Variants in IFTAP observed in about 807,000 individuals in gnomAD.
IFTAP encodes the protein intraflagellar transport-associated protein.
IFTAP carries 19 observed loss-of-function variants against 19.4 expected under a neutral mutation model. The observed-to-expected ratio is 0.98, with a 90% CI of 0.68 to 1.44. IFTAP has a LOEUF of 1.44. IFTAP is among the 40% of genes most tolerant of loss of function. The probability of loss-of-function intolerance (pLI) is 0.00; values close to 1 mark genes in which losing one functional copy is unlikely to be tolerated. For missense variants in IFTAP, 240 were observed against 253.6 expected, an observed-to-expected ratio of 0.95 and a Z score of 0.36; for synonymous variants, 85 against 83.5, an observed-to-expected ratio of 1.02 and a Z score of -0.10.
intron 1 of IFTAP, among the ~76,000 whole-genome samples, chr11:36,600,231 T>C (rs981101025): frequency 2.7e-4 from 41 of 152,194 alleles, no homozygotes; most frequent in Non-Finnish European, 1.8e-4. Flanking sequence ...CAAAGCCATG[T>C]GGAGAATTAG....
At chr11:36,627,737 C>T (rs1277249762) in intron 2 of IFTAP, among the ~76,000 whole-genome samples, 3 of 151,168 alleles carry the variant, frequency 2.0e-5, no homozygotes, top group South Asian at 2.1e-4. Flanking sequence ...GGAAGGTAAG[C>T]TCATTTTATG....
chr11:36,623,984 T>C (rs1328858806), intron 2 of IFTAP, among the ~76,000 whole-genome samples: 1 of 150,072 alleles, frequency 6.7e-6, no homozygotes, highest in Non-Finnish European at 1.5e-5. Flanking sequence ...TATGTGTGTA[T>C]ATATATGTGT....
chr11:36,651,162 A>T (rs1305766490), intron 5 of IFTAP, among the ~76,000 whole-genome samples: 1 of 152,218 alleles, frequency 6.6e-6, no homozygotes, highest in Non-Finnish European at 1.5e-5. Context: ...ACTAGTTTAC[A>T]GTCCCACCAA....
intron 4 of IFTAP, among the ~76,000 whole-genome samples, chr11:36,645,269 G>A (rs1246365229): frequency 6.6e-6 from 1 of 152,044 alleles, no homozygotes; most frequent in Non-Finnish European, 1.5e-5. Flanking sequence ...ACAAAATACA[G>A]AGACAAATGG....
At chr11:36,609,576 G>A (rs1485201133) in intron 1 of IFTAP, among the ~76,000 whole-genome samples, 1 of 152,102 alleles carries the variant, frequency 6.6e-6, no homozygotes, top group Admixed American at 6.6e-5. Context: ...AGTGTTTAAA[G>A]GCATGGTTTC....
chr11:36,630,304 C>T (rs531089910), intron 2 of IFTAP, among the ~76,000 whole-genome samples: 1 of 151,436 alleles, frequency 6.6e-6, no homozygotes, highest in South Asian at 2.1e-4. Context: ...ACTTCTGGGT[C>T]TTAGGAGGGA....
At chr11:36,597,836 G>A (rs1851336092) in intron 1 of IFTAP, 2 of 152,116 alleles carry the variant, frequency 1.3e-5, no homozygotes, top group Non-Finnish European at 2.9e-5. Context: ...ACCAGGATTA[G>A]GTCTTCCTTC....
intron 1 of IFTAP, among the ~76,000 whole-genome samples, chr11:36,608,440 T>C (rs1191286697): frequency 6.6e-6 from 1 of 152,236 alleles, no homozygotes; most frequent in African/African-American, 2.4e-5. Context: ...CCCTACTTTT[T>C]ATGGTCCCCC....
At chr11:36,655,566 C>G (rs1396552791) in intron 5 of IFTAP, among the ~76,000 whole-genome samples, 1 of 152,182 alleles carries the variant, frequency 6.6e-6, no homozygotes, top group East Asian at 1.9e-4. Context: ...TAAAATATCT[C>G]AATGATTGCA....
chr11:36,648,008 T>A lies in IFTAP; in HGVS notation c.359-8T>A. 1 of 1,611,914 alleles carries A rather than the reference T, an allele frequency of 6.2e-7. No homozygotes were observed. The highest frequency in any genetic ancestry group is 8.5e-7 in the Non-Finnish European group (1 of 1,178,834). ...AAAGGCTCAGTTGAAATGTTTTGTATCCAACAGATTTGCTGCTGCTTCCAG... is the reference window on the plus strand; with the variant it reads ...AAAGGCTCAGTTGAAATGTTTTGTAACCAACAGATTTGCTGCTGCTTCCAG... On this transcript the variant is annotated splice_polypyrimidine_tract_variant and splice_region_variant and intron_variant, in intron 4 of 5. Coordinates refer to ENST00000334307, the MANE Select transcript of IFTAP (RefSeq NM_138787.4).
At chr11:36,658,684 G>C (rs1287221360) in intron 5 of IFTAP, among the ~76,000 whole-genome samples, 2 of 151,990 alleles carry the variant, frequency 1.3e-5, no homozygotes, top group Non-Finnish European at 2.9e-5. Flanking sequence ...TATAACTGTT[G>C]GTTTTTCTGT....
intron 5 of IFTAP, among the ~76,000 whole-genome samples, chr11:36,654,860 G>A (rs1210956916): frequency 6.6e-6 from 1 of 151,840 alleles, no homozygotes; most frequent in Non-Finnish European, 1.5e-5. Flanking sequence ...TTACTGAACC[G>A]CTTTAGCAGG....
chr11:36,634,435 C>T (rs749292826), intron 3 of IFTAP, among the ~76,000 whole-genome samples: 23 of 152,024 alleles, frequency 1.5e-4, no homozygotes, highest in Non-Finnish European at 2.6e-4. Context: ...AGAATCAGAG[C>T]TCCTGAAACC....
Position 36,635,983 on chromosome 11 carries a change from T to A in IFTAP, c.292-68T>A. ...GTTAGGTGTTGTGGAAGTGGATTCG[T>A]TGACTTTTCACTGCAGTTTTTCTTT... On this transcript the variant is annotated intron_variant, in intron 3 of 5. Coordinates refer to ENST00000334307, the MANE Select transcript of IFTAP (RefSeq NM_138787.4). 4 of 1,054,646 alleles carry A rather than the reference T, an allele frequency of 3.8e-6. No individual in the cohort carries two copies. In the South Asian group the frequency reaches 5.2e-5, roughly 14 times the overall value. The allele number at this position is 1,054,646 out of a possible 1,614,324, so 65.3% of individuals were successfully genotyped here.
intron 5 of IFTAP, among the ~76,000 whole-genome samples, chr11:36,655,283 T>G (rs1306844820): frequency 1.3e-5 from 2 of 152,176 alleles, no homozygotes; most frequent in African/African-American, 4.8e-5. Context: ...CTTTGTCAAC[T>G]TGTAAACTAA....
At chr11:36,643,992 A>G (rs1040899119) in intron 4 of IFTAP, among the ~76,000 whole-genome samples, 6 of 152,258 alleles carry the variant, frequency 3.9e-5, no homozygotes. Context: ...GCCAAAATTG[A>G]CAAGTGGAAT....
intron 4 of IFTAP, among the ~76,000 whole-genome samples, chr11:36,637,895 T>G (rs1210420091): frequency 1.3e-5 from 2 of 152,056 alleles, no homozygotes; most frequent in Non-Finnish European, 2.9e-5. Context: ...CTTTTTTTTT[T>G]TTTGAGATGG....
chr11:36,594,677 G>A (rs1851130677), intron 1 of IFTAP, 85 bp downstream of exon 1: 1 of 162,410 alleles, frequency 6.2e-6, no homozygotes, highest in African/African-American at 2.4e-5. Flanking sequence ...CGTCCGGGTT[G>A]CCGGAAGGCT....
chr11:36,639,202 G>A (rs556626622), intron 4 of IFTAP, among the ~76,000 whole-genome samples: 17 of 151,474 alleles, frequency 1.1e-4, no homozygotes, highest in African/African-American at 4.1e-4. Context: ...ATGCTTCCTC[G>A]GTGGGCCCAG....
Sources: allele counts gnomAD v4.1 joint callset (sites outside exome capture counted in the v4.1 genomes callset), GRCh38; gene constraint gnomAD v4.1.1; transcripts MANE v1.5; gene names NCBI Gene and HGNC (gene_info 2026-07-23, HGNC 2026-07-21).